GAK: variants seen among roughly 807,000 people sequenced by gnomAD.
GAK encodes the protein cyclin-G-associated kinase.
In GAK, 79 loss-of-function variants were observed where a neutral mutation model predicts 143.9. The ratio of observed to expected loss-of-function variants is 0.55; its 90% CI spans 0.46 to 0.66. GAK has a LOEUF of 0.66. Among genes scored for constraint, GAK ranks in the 30% least tolerant of loss-of-function variants. The pLI is 0.00. For synonymous variants in GAK, 881 were observed against 765.5 expected (o/e 1.15, Z -2.49); for missense variants, 1,693 against 1,779.7 (o/e 0.95, Z 0.88).
At chr4:868,822 A>T in intron 19 of GAK, 137 bp from the exon 20 acceptor site, 1 of 826,264 alleles carries the variant, frequency 1.2e-6, no homozygotes, top group Non-Finnish European at 1.8e-6. Context: ...CAGACCAATG[A>T]CATGACGGGG....
intron 25 of GAK, 189 bp downstream of exon 25, chr4:851,561 G>C (rs1748143241): frequency 3.2e-6 from 2 of 622,756 alleles, no homozygotes; most frequent in East Asian, 2.8e-5. Flanking sequence ...TGGAACAAGA[G>C]GGACCCAGAG....
chr4:883,381 G>A lies in GAK; in HGVS notation c.1338C>T (p.His446=). The change falls in exon 13 of 28, where the codon CAC becomes CAT. Residue 446 remains histidine (H), a synonymous_variant. Coordinates refer to ENST00000314167, the MANE Select transcript of GAK (RefSeq NM_005255.4). The part of the protein sequence containing the change: ...EDVRLFLDSK[H]PGHYAVYNLS... ...GGTTGTAGACGGCATAGTGCCCTGG[G>A]TGCTTGGAGTCCAGGAACAACCGCA... 1 of 1,613,812 alleles carries A rather than the reference G, an allele frequency of 6.2e-7. No homozygotes were observed. The highest frequency in any genetic ancestry group is 8.5e-7 in the Non-Finnish European group (1 of 1,180,014).
chr4:907,536 C>A (rs1475394245), intron 4 of GAK, among the ~76,000 whole-genome samples: 1 of 152,186 alleles, frequency 6.6e-6, no homozygotes, highest in Non-Finnish European at 1.5e-5. Flanking sequence ...GTAACTGGGC[C>A]CCCTGTTCAG....
intron 23 of GAK, among the ~76,000 whole-genome samples, chr4:863,070 G>A (rs528543426): frequency 6.6e-6 from 1 of 152,352 alleles, no homozygotes; most frequent in South Asian, 2.1e-4. Context: ...CATTCTAGAT[G>A]CCATTAAGAA....
chr4:923,590 G>A (rs552854021), intron 1 of GAK, among the ~76,000 whole-genome samples: 1 of 152,208 alleles, frequency 6.6e-6, no homozygotes, highest in Admixed American at 6.5e-5. Context: ...TGGGAGGATC[G>A]CTTGAGTCCG....
In GAK at chr4:849,822, G is replaced by GGCGGGGCA. The variant is rs1747751756; in HGVS notation, c.3835-49_3835-48insTGCCCCGC. The GGCGGGGCA allele has an allele frequency of 2.1e-6, 3 of 1,462,074 alleles. No homozygotes were observed. In the African/African-American group the frequency reaches 4.4e-5, roughly 21 times the overall value. The allele number at this position is 1,462,074 out of a possible 1,614,324, so 90.6% of individuals were successfully genotyped here. On this transcript the variant is annotated intron_variant, in intron 27 of 27. Coordinates refer to ENST00000314167, the MANE Select transcript of GAK (RefSeq NM_005255.4). The stretch of plus-strand genomic sequence containing the variant: ...GCGCCTCTTATAAGCATGCGGGGGC[G>GGCGGGGCA]GGCGGGGCAGGACCCCCCCCCCGCC...
chr4:864,385 C>T (rs1428346757), intron 23 of GAK, among the ~76,000 whole-genome samples: 1 of 152,084 alleles, frequency 6.6e-6, no homozygotes, highest in Non-Finnish European at 1.5e-5. Flanking sequence ...AAACAAAACC[C>T]CACACAAAAA....
Position 870,785 on chromosome 4 carries a change from G to C in GAK, c.2174C>G (p.Ser725Trp). 1.9e-6 allele frequency: 3 copies of C among 1,614,126 alleles called. No homozygotes were observed. The highest frequency in any genetic ancestry group is 2.5e-6 in the Non-Finnish European group (3 of 1,180,024). ...PSREAPPWEN[S>W]SMRGLNPKIL... ...TTTGGGGTTCAGCCCCCTCATGCTC[G>C]AGTTCTCCCATGGTGGGGCTTCCCG... Residue 725 changes from serine (S) to tryptophan (W), a missense_variant, in exon 19 of 28, where the codon TCG (serine) becomes TGG (tryptophan). Around this residue, in one of 2 missense-constraint regions of GAK, gnomAD observed 822 missense variants for 788.7 expected, o/e 1.04. Transcript: ENST00000314167.
At chr4:927,671 G>A (rs1333597136) in intron 1 of GAK, among the ~76,000 whole-genome samples, 1 of 107,806 alleles carries the variant, frequency 9.3e-6, no homozygotes. Context: ...CCTGTAGTCC[G>A]CACTGCCCCG....
At chr4:927,816 G>T (rs564675053) in intron 1 of GAK, among the ~76,000 whole-genome samples, 83 of 139,254 alleles carry the variant, frequency 6.0e-4, no homozygotes, top group Non-Finnish European at 1.2e-3. Flanking sequence ...GTGAGCGCAG[G>T]CCCCGCACCC....
chr4:852,972 G>GCAATC (rs1461289398), intron 24 of GAK: 2 of 151,990 alleles, frequency 1.3e-5, no homozygotes, highest in Non-Finnish European at 2.9e-5. Flanking sequence ...CAGCACCACA[G>GCAATC]CAATCACGAC....
intron 7 of GAK, 145 bp from the exon 8 acceptor site, chr4:894,154 G>A: frequency 1.2e-6 from 1 of 859,626 alleles, no homozygotes; most frequent in East Asian, 3.1e-5. Flanking sequence ...GGGTGACACT[G>A]GGGACTGCAG....
At chr4:875,166 A>G (rs940327209) in intron 18 of GAK, among the ~76,000 whole-genome samples, 4 of 152,130 alleles carry the variant, frequency 2.6e-5, no homozygotes, top group African/African-American at 9.7e-5. Flanking sequence ...TTTCCTCTTC[A>G]TCATCAGTAC....
intron 6 of GAK, among the ~76,000 whole-genome samples, chr4:897,236 A>C (rs1443868524): frequency 6.6e-6 from 1 of 152,222 alleles, no homozygotes; most frequent in Non-Finnish European, 1.5e-5. Context: ...TGGGCTCTGC[A>C]GTTATACAGC....
At chr4:860,655 G>A (rs1180943770) in intron 23 of GAK, among the ~76,000 whole-genome samples, 1 of 152,104 alleles carries the variant, frequency 6.6e-6, no homozygotes, top group African/African-American at 2.4e-5. Flanking sequence ...GTCCTGAAGC[G>A]CACTTGAGGG....
intron 24 of GAK, among the ~76,000 whole-genome samples, chr4:854,119 T>TC (rs1481359809): frequency 7.6e-6 from 1 of 132,372 alleles, no homozygotes; most frequent in African/African-American, 3.1e-5. Context: ...ATTTTCTTTC[T>TC]TTTTTTTTTT....
chr4:856,162 TCAC>T (rs774253539), intron 24 of GAK, among the ~76,000 whole-genome samples: 7 of 148,142 alleles, frequency 4.7e-5, no homozygotes, highest in African/African-American at 7.4e-5. Context: ...CCACACCTGC[TCAC>T]CACCACAGCT....
chr4:900,303 C>T (rs75845136), intron 5 of GAK, among the ~76,000 whole-genome samples: 90 of 152,366 alleles, frequency 5.9e-4, no homozygotes, highest in African/African-American at 2.0e-3. Context: ...ACGTGTGCTG[C>T]CTGCCCCTCC....
intron 18 of GAK, among the ~76,000 whole-genome samples, chr4:876,175 T>G (rs548871492): frequency 6.6e-6 from 1 of 152,280 alleles, no homozygotes; most frequent in East Asian, 1.9e-4. Context: ...CAGACAGGAC[T>G]GCCCCGCATC....
Sources: allele counts gnomAD v4.1 joint callset (sites outside exome capture counted in the v4.1 genomes callset), GRCh38; gene constraint gnomAD v4.1.1; regional missense constraint gnomAD v4.1.1; transcripts MANE v1.5; gene names NCBI Gene and HGNC (gene_info 2026-07-23, HGNC 2026-07-21).